The following TMEM181 variants were observed in gnomAD, a reference collection of about 807,000 sequenced individuals.
TMEM181 encodes the protein G protein-coupled receptor 178.
Under a neutral mutation model 71.9 loss-of-function variants are expected in TMEM181, and 39 were observed. The observed-to-expected ratio is 0.54, with a 90% CI of 0.42 to 0.71. The LOEUF (loss-of-function observed/expected upper bound fraction) is 0.71, where lower values mean the gene tolerates loss of function less well. Ranked by LOEUF, TMEM181 falls within the 30% of genes least tolerant of loss-of-function variation. TMEM181 has a pLI of 0.00. For missense variants in TMEM181, 595 were observed against 583.0 expected, an observed-to-expected ratio of 1.02 and a Z score of -0.21; for synonymous variants, 245 against 228.8, an observed-to-expected ratio of 1.07 and a Z score of -0.64.
chr6:158,626,868 T>A (rs1786309933), intron 13 of TMEM181, among the ~76,000 whole-genome samples: 1 of 136,344 alleles, frequency 7.3e-6, no homozygotes, highest in African/African-American at 2.8e-5. Flanking sequence ...CCTCACACCC[T>A]CACTCTCACA....
At chr6:158,545,532 G>A (rs964112728) in intron 1 of TMEM181, among the ~76,000 whole-genome samples, 4 of 152,272 alleles carry the variant, frequency 2.6e-5, no homozygotes, top group Admixed American at 2.6e-4. Context: ...TCCAGCTGCT[G>A]TGGGATGCAG....
At chr6:158,622,779 A>G (rs933804225) in intron 10 of TMEM181, among the ~76,000 whole-genome samples, 1 of 152,138 alleles carries the variant, frequency 6.6e-6, no homozygotes, top group African/African-American at 2.4e-5. Flanking sequence ...GAAAGATGAA[A>G]AAGACCATGT....
rs41266343 is a variant in TMEM181, at chr6:158,585,439, G to A, written c.381+14G>A. On this transcript the variant is annotated intron_variant, in intron 5 of 16. Transcript: ENST00000684151. Reference sequence around the variant, plus strand: ...ACATGTGCAGGGGTGAGTGTGTGGGGTGAGCCCCACAGTCAGTCCTCAGGC... The same window carrying A: ...ACATGTGCAGGGGTGAGTGTGTGGGATGAGCCCCACAGTCAGTCCTCAGGC... 0.014 allele frequency: 21,491 copies of A among 1,571,410 alleles called. 188 individuals carry two copies. The highest frequency in any genetic ancestry group is 0.016 in the Non-Finnish European group (18,990 of 1,162,362).
At chr6:158,602,351 C>CT (rs1334846344) in intron 6 of TMEM181, among the ~76,000 whole-genome samples, 3 of 152,180 alleles carry the variant, frequency 2.0e-5, no homozygotes, top group African/African-American at 7.2e-5. Context: ...CGATGAACAT[C>CT]TGTGTATAAA....
chr6:158,543,111 G>GT (rs952999026), intron 1 of TMEM181, among the ~76,000 whole-genome samples: 4 of 151,916 alleles, frequency 2.6e-5, no homozygotes, highest in African/African-American at 9.7e-5. Context: ...TCCTGACCTC[G>GT]TGGTCTGCTT....
chr6:158,615,393 C>T (rs562468486), intron 10 of TMEM181, among the ~76,000 whole-genome samples: 1 of 152,170 alleles, frequency 6.6e-6, no homozygotes, highest in African/African-American at 2.4e-5. Context: ...AGCCCTTTAT[C>T]AGATGAGTAG....
At chr6:158,563,366 A>T (rs940719062) in intron 1 of TMEM181, among the ~76,000 whole-genome samples, 1 of 151,992 alleles carries the variant, frequency 6.6e-6, no homozygotes, top group African/African-American at 2.4e-5. Context: ...CTGGTCTCGA[A>T]CTCCTGACCT....
intron 12 of TMEM181, 71 bp from the exon 13 acceptor site, chr6:158,625,629 GTTT>G (rs1391983356): frequency 7.2e-7 from 1 of 1,389,002 alleles, no homozygotes. Context: ...CTTAATTTTT[GTTT>G]TTTATTTTTC....
chr6:158,635,046 C>A lies in TMEM181; in HGVS notation c.*3158C>A, dbSNP rs1439268176. On this transcript the variant is annotated 3_prime_UTR_variant, in exon 17 of 17. Transcript: ENST00000684151. ...TTTTGAAGAAAAAAAAAAAAAGATACAGATCTTTTCCCCTGGCCAAAGGGA... is the reference window on the plus strand; with the variant it reads ...TTTTGAAGAAAAAAAAAAAAAGATAAAGATCTTTTCCCCTGGCCAAAGGGA... 1 of 151,062 alleles carries A rather than the reference C, an allele frequency of 6.6e-6. No homozygotes were observed. Among genetic ancestry groups the A allele is most frequent in the African/African-American group, 2.4e-5 (1 of 41,134 alleles). 9.4% of individuals were successfully genotyped at this position (151,062 alleles called of 1,614,324 possible). A position where few individuals can be genotyped will look rare whatever the true frequency, so the allele number is the denominator to read the frequency against.
intron 5 of TMEM181, among the ~76,000 whole-genome samples, chr6:158,588,239 C>T (rs1041817786): frequency 1.3e-5 from 2 of 152,254 alleles, no homozygotes; most frequent in Non-Finnish European, 2.9e-5. Context: ...CCCCTCCCTG[C>T]GGAGCACTGT....
Position 158,608,763 on chromosome 6 carries a change from A to G in TMEM181, c.896+13A>G. ...GAATATGGCAAACGTGAGTAATTCTATTATGTGTGAAACTTCAGTCATGAA... is the reference window on the plus strand; with the variant it reads ...GAATATGGCAAACGTGAGTAATTCTGTTATGTGTGAAACTTCAGTCATGAA... On this transcript the variant is annotated intron_variant, in intron 10 of 16. Coordinates refer to ENST00000684151, the MANE Select transcript of TMEM181 (RefSeq NM_001376852.1). The G allele has an allele frequency of 1.9e-6, 3 of 1,606,304 alleles. No individual in the cohort carries two copies. The highest frequency in any genetic ancestry group is 2.2e-5 in the East Asian group (1 of 44,852).
At chr6:158,608,530 G>A in intron 9 of TMEM181, 67 bp downstream of exon 9, 1 of 1,611,842 alleles carries the variant, frequency 6.2e-7, no homozygotes, top group Non-Finnish European at 8.5e-7. Flanking sequence ...GAACTCTGAG[G>A]ACAGCCCAGA....
chr6:158,578,565 G>C (rs1430584747), intron 2 of TMEM181, among the ~76,000 whole-genome samples: 2 of 152,170 alleles, frequency 1.3e-5, no homozygotes, highest in Non-Finnish European at 2.9e-5. Context: ...GACAGCAGTT[G>C]AAAGAGGCGG....
intron 1 of TMEM181, among the ~76,000 whole-genome samples, chr6:158,573,208 C>T (rs889206950): frequency 3.3e-5 from 5 of 152,134 alleles, no homozygotes; most frequent in Non-Finnish European, 7.4e-5. Flanking sequence ...CCCTCTAACC[C>T]GGAACGTGCA....
intron 6 of TMEM181, among the ~76,000 whole-genome samples, chr6:158,602,288 T>C (rs1420384731): frequency 6.6e-6 from 1 of 152,268 alleles, no homozygotes; most frequent in Non-Finnish European, 1.5e-5. Flanking sequence ...TTCATTCACC[T>C]GTTGATGGAC....
At position 158,585,335 on chromosome 6, in the gene TMEM181, T is replaced by C. The variant is rs748582934; in HGVS notation, c.291T>C (p.Thr97=). The C allele has an allele frequency of 1.6e-5, 25 of 1,609,168 alleles. No homozygotes were observed. The highest frequency in any genetic ancestry group is 2.7e-5 in the African/African-American group (2 of 74,630). The stretch of plus-strand genomic sequence containing the variant: ...CTATTAAGACAAGCTTTCCCATGAC[T>C]GTTAAAGTCGATGGTGTAGCTCAAG... ...ETSIKTSFPM[T]VKVDGVAQDG... Residue 97 remains threonine (T), a synonymous_variant, in exon 5 of 17, where the codon ACT becomes ACC. Coordinates refer to ENST00000684151, the MANE Select transcript of TMEM181 (RefSeq NM_001376852.1).
rs1017151520 is a variant in TMEM181 at position 158,623,595 on chromosome 6, C to T, written c.942C>T (p.Thr314=). 5 of 1,578,908 alleles carry T rather than the reference C, an allele frequency of 3.2e-6. No homozygotes were observed. The highest frequency in any genetic ancestry group is 4.3e-6 in the Non-Finnish European group (5 of 1,159,328). The change falls in exon 11 of 17, where the codon ACC becomes ACT. Residue 314 remains threonine (T), a synonymous_variant. Coordinates refer to ENST00000684151, the MANE Select transcript of TMEM181 (RefSeq NM_001376852.1). ...HDPMYQYRVD[T]GNFQGMKVFF... ...CAATGTACCAGTATCGAGTTGATAC[C>T]GGAAATTTTCAGGTAAGGATTGTTA...
chr6:158,568,958 G>GT (rs1218648112), intron 1 of TMEM181, among the ~76,000 whole-genome samples: 1 of 152,158 alleles, frequency 6.6e-6, no homozygotes, highest in Non-Finnish European at 1.5e-5. Context: ...GAAGTCTGTG[G>GT]TTTTTTGGCT....
chr6:158,607,398 G>T, intron 8 of TMEM181, 55 bp downstream of exon 8: 1 of 1,535,820 alleles, frequency 6.5e-7, no homozygotes, highest in Non-Finnish European at 9.0e-7. Flanking sequence ...TAAAGCTGGA[G>T]GCCAGGTGCA....
Sources: gnomAD v4.1 joint callset for allele counts (sites outside exome capture counted in the v4.1 genomes callset) on GRCh38, gnomAD v4.1.1 for gene constraint, MANE v1.5 for transcripts, NCBI Gene and HGNC (gene_info 2026-07-23, HGNC 2026-07-21) for gene names.